TAOK3: variants seen among roughly 807,000 people sequenced by gnomAD.
TAOK3 encodes the protein TAO kinase 3.
A neutral mutation model predicts 120.4 loss-of-function variants in TAOK3; 40 were observed. The ratio of observed to expected loss-of-function variants is 0.33; its 90% CI spans 0.26 to 0.43. The LOEUF (loss-of-function observed/expected upper bound fraction) is 0.43. Ranked by LOEUF, TAOK3 falls within the 20% of genes least tolerant of loss-of-function variation. TAOK3 has a pLI of 1.00. For synonymous variants in TAOK3, 355 were observed against 387.5 expected (o/e 0.92, Z 0.99); for missense variants, 821 against 1,112.1 (o/e 0.74, Z 3.72).
rs538521724 is a variant in TAOK3, at chr12:118,368,166, A to G, written c.-194+4482T>C. Among the ~76,000 whole-genome samples the G allele has an allele frequency of 2.6e-5, 4 of 152,300 alleles. No homozygotes were observed. The East Asian group carries it at 7.7e-4, about 29-fold the overall frequency. ...GTGGCTGCTGTAAGCCTTCATACGG[A>G]ACTGTAAGGCTCCATCTTAACGACT... On this transcript the variant is annotated intron_variant, in intron 1 of 20. Transcript: ENST00000392533.
intron 19 of TAOK3, among the ~76,000 whole-genome samples, chr12:118,159,203 G>C (rs1391769369): frequency 6.6e-6 from 1 of 152,054 alleles, no homozygotes; most frequent in Non-Finnish European, 1.5e-5. Flanking sequence ...TTATGTCAAT[G>C]AATTCCTTAA....
At chr12:118,191,180 CA>C (rs1303287332) in intron 13 of TAOK3, among the ~76,000 whole-genome samples, 2 of 152,092 alleles carry the variant, frequency 1.3e-5, no homozygotes, top group Non-Finnish European at 2.9e-5. Flanking sequence ...TTAAATTTTA[CA>C]TCCAGATTTT....
chr12:118,169,943 C>T (rs2035894057), intron 17 of TAOK3, among the ~76,000 whole-genome samples: 1 of 151,414 alleles, frequency 6.6e-6, no homozygotes. Flanking sequence ...GGATGGTCTC[C>T]ATCTCCCGAC....
chr12:118,340,075 T>A (rs1260786585), intron 1 of TAOK3, among the ~76,000 whole-genome samples: 2 of 152,170 alleles, frequency 1.3e-5, no homozygotes, highest in African/African-American at 2.4e-5. Context: ...TAGCAAAAAA[T>A]TAGATACAGC....
intron 1 of TAOK3, among the ~76,000 whole-genome samples, chr12:118,290,008 G>A (rs1390065461): frequency 2.0e-5 from 3 of 149,226 alleles, no homozygotes; most frequent in South Asian, 2.1e-4. Flanking sequence ...AAAAAAAAAA[G>A]AGAAAGAAAT....
At chr12:118,347,947 T>C (rs2043810505) in intron 1 of TAOK3, among the ~76,000 whole-genome samples, 1 of 152,222 alleles carries the variant, frequency 6.6e-6, no homozygotes, top group African/African-American at 2.4e-5. Context: ...GCATCAGTCT[T>C]TTCTATTCAA....
Position 118,263,380 on chromosome 12 carries a change from T to C in TAOK3, c.-89+3275A>G, listed in dbSNP as rs183495956. Among the ~76,000 whole-genome samples, 116 of 152,290 alleles carry C rather than the reference T, an allele frequency of 7.6e-4. 1 individual carries two copies. The highest frequency in any genetic ancestry group is 3.4e-3 in the Admixed American group (52 of 15,286). On this transcript the variant is annotated intron_variant, in intron 2 of 20. Transcript: ENST00000392533. ...AGAACTAAATGTAAATCTACAATAA[T>C]AAAACTTCTAGACGAAGGTACAGGA... is the stretch of plus-strand genomic sequence containing the variant.
At chr12:118,296,666 T>C (rs1251395411) in intron 1 of TAOK3, among the ~76,000 whole-genome samples, 1 of 152,218 alleles carries the variant, frequency 6.6e-6, no homozygotes, top group African/African-American at 2.4e-5. Flanking sequence ...TTAAGATACA[T>C]GACATTTAAT....
chr12:118,266,422 G>A (rs1011198555), intron 2 of TAOK3, among the ~76,000 whole-genome samples: 6 of 151,010 alleles, frequency 4.0e-5, no homozygotes, highest in Non-Finnish European at 1.5e-5. Flanking sequence ...GGCTGGTCTC[G>A]AACTCCTGAC....
intron 1 of TAOK3, among the ~76,000 whole-genome samples, chr12:118,307,073 G>T (rs895721703): frequency 1.3e-5 from 2 of 152,172 alleles, no homozygotes; most frequent in Non-Finnish European, 2.9e-5. Flanking sequence ...TGTGGAAATA[G>T]AATAATAATG....
At chr12:118,310,710 A>G (rs1044978255) in intron 1 of TAOK3, among the ~76,000 whole-genome samples, 3 of 152,182 alleles carry the variant, frequency 2.0e-5, no homozygotes, top group Admixed American at 2.0e-4. Context: ...TCTATTATAT[A>G]AATAGGTTTA....
At position 118,228,947 on chromosome 12, in the gene TAOK3, G is replaced by C. The variant is rs188581162; in HGVS notation, c.643+4727C>G. Among the ~76,000 whole-genome samples the C allele has an allele frequency of 6.3e-3, 959 of 152,124 alleles. 6 individuals carry two copies. The highest frequency in any genetic ancestry group is 0.01 in the Non-Finnish European group (689 of 68,000). On this transcript the variant is annotated intron_variant, in intron 9 of 20. Transcript: ENST00000392533. The stretch of plus-strand genomic sequence containing the variant: ...CCTTTTTATTTTTATTTGAGATAGG[G>C]TCTTACTCCCATCACCCAGACTACA...
intron 11 of TAOK3, among the ~76,000 whole-genome samples, chr12:118,202,313 G>C (rs2038064172): frequency 6.6e-6 from 1 of 151,954 alleles, no homozygotes; most frequent in African/African-American, 2.4e-5. Flanking sequence ...AGAGAAAAAT[G>C]CTGTGATGAA....
At position 118,201,368 on chromosome 12, in the gene TAOK3, G is replaced by A; in HGVS notation, c.915C>T (p.Tyr305=). Residue 305 remains tyrosine (Y), a synonymous_variant, in exon 12 of 21, where the codon TAC becomes TAT. Coordinates refer to ENST00000392533, the MANE Select transcript of TAOK3 (RefSeq NM_016281.4). ...GGAAAAGTATTTTTTTCATTTTTCG[G>A]TACTGTAGGTTATCTAGCTCACGAA... is the stretch of plus-strand genomic sequence containing the variant. The part of the protein sequence containing the change: ...DAVRELDNLQ[Y]RKMKKILFQE... 2 of 1,613,944 alleles carry A rather than the reference G, an allele frequency of 1.2e-6. No individual in the cohort carries two copies. The highest frequency in any genetic ancestry group is 1.1e-5 in the South Asian group (1 of 91,064).
Position 118,160,924 on chromosome 12 carries a change from A to G in TAOK3, c.2140-566T>C, listed in dbSNP as rs1435887468. Reference sequence around the variant, plus strand: ...GATTTCAGCGTAAACTGAGAGAGAAAAGTGATTTAGAATTTTTTTCCCCAT... The same window carrying G: ...GATTTCAGCGTAAACTGAGAGAGAAGAGTGATTTAGAATTTTTTTCCCCAT... On this transcript the variant is annotated intron_variant, in intron 18 of 20. Transcript: ENST00000392533. This position sits in a 1 kb window ranked among gnomAD's most constrained non-coding sequence, Gnocchi z 4.2. Among the ~76,000 whole-genome samples the G allele has an allele frequency of 6.6e-6, 1 of 152,210 alleles. No homozygotes were observed. Among genetic ancestry groups the G allele is most frequent in the Non-Finnish European group, 1.5e-5 (1 of 68,038 alleles).
In TAOK3 at chr12:118,149,978, T is replaced by C. The variant is rs970785452; in HGVS notation, c.*1019A>G. ...ATACACAGTTTGAAAGTGTGAATAA[T>C]GCAATATTTATGACCAAGAAATGGG... is the stretch of plus-strand genomic sequence containing the variant. On this transcript the variant is annotated 3_prime_UTR_variant, in exon 21 of 21. Coordinates refer to ENST00000392533, the MANE Select transcript of TAOK3 (RefSeq NM_016281.4). 8 of 151,832 alleles carry C rather than the reference T, an allele frequency of 5.3e-5. No individual in the cohort carries two copies. Among genetic ancestry groups the C allele is most frequent in the Non-Finnish European group, 1.2e-4 (8 of 67,986 alleles). 9.4% of individuals were successfully genotyped at this position (151,832 alleles called of 1,614,324 possible). A position where few individuals can be genotyped will look rare whatever the true frequency, so the allele number is the denominator to read the frequency against.
At chr12:118,346,040 T>TA (rs543666758) in intron 1 of TAOK3, among the ~76,000 whole-genome samples, 18 of 151,994 alleles carry the variant, frequency 1.2e-4, no homozygotes, top group Non-Finnish European at 2.2e-4. Context: ...ATACTTTACC[T>TA]AAAAAAAATT....
chr12:118,245,040 G>C (rs1471181378), intron 3 of TAOK3, 75 bp from the exon 4 acceptor site: 2 of 963,446 alleles, frequency 2.1e-6, no homozygotes. Context: ...TATTTGACTA[G>C]AGACTATTTA....
intron 6 of TAOK3, 61 bp downstream of exon 6, chr12:118,239,166 C>A: frequency 1.9e-6 from 2 of 1,062,852 alleles, no homozygotes; most frequent in Non-Finnish European, 2.9e-6. Flanking sequence ...TTTAGTATGG[C>A]GGTAGATAAC....
Sources: gnomAD v4.1 joint callset for allele counts (sites outside exome capture counted in the v4.1 genomes callset) on GRCh38, gnomAD v4.1.1 for gene constraint, Gnocchi (gnomAD v3.1) non-coding constraint, MANE v1.5 for transcripts, NCBI Gene and HGNC (gene_info 2026-07-23, HGNC 2026-07-21) for gene names.